Variants in RNF111 observed in about 807,000 individuals in gnomAD.
RNF111 encodes ring finger protein 111, also known as E3 ubiquitin-protein ligase Arkadia.
RNF111 carries 17 observed loss-of-function variants against 95.1 expected under a neutral mutation model. That is an observed-to-expected ratio of 0.18 (90% CI 0.12 to 0.27). The LOEUF is 0.27. Ranked by LOEUF, RNF111 falls within the 10% of genes least tolerant of loss-of-function variation. The pLI, the probability that RNF111 is intolerant of heterozygous loss-of-function variation, is 1.00. For synonymous variants in RNF111, 440 were observed against 414.8 expected (o/e 1.06, Z -0.74); for missense variants, 1,189 against 1,210.4 (o/e 0.98, Z 0.26).
At chr15:58,996,734 G>A (rs1210555960) in intron 1 of RNF111, among the ~76,000 whole-genome samples, 1 of 133,154 alleles carries the variant, frequency 7.5e-6, no homozygotes, top group Non-Finnish European at 1.5e-5. Context: ...TCTCACCTGT[G>A]TATGGATATT....
In RNF111 at chr15:59,007,449, A is replaced by G. The variant is rs142246039; in HGVS notation, c.-20+19381A>G. Reference sequence around the variant, plus strand: ...CTGTTTGGTATCCCGTTGTAGCTGTATAACATAATTTATCCATTCACTTGG... The same window carrying G: ...CTGTTTGGTATCCCGTTGTAGCTGTGTAACATAATTTATCCATTCACTTGG... On this transcript the variant is annotated intron_variant, in intron 1 of 13. Coordinates refer to ENST00000348370, the MANE Select transcript of RNF111 (RefSeq NM_017610.8). Among the ~76,000 whole-genome samples, 568 of 152,314 alleles carry G rather than the reference A, an allele frequency of 3.7e-3. 4 individuals are homozygous for G. The highest frequency in any genetic ancestry group is 0.013 in the African/African-American group (541 of 41,570).
Position 59,091,087 on chromosome 15 carries a change from G to T in RNF111, c.2672G>T (p.Gly891Val). 1.2e-6 allele frequency: 2 copies of T among 1,609,248 alleles called. No individual in the cohort carries two copies. Among genetic ancestry groups the T allele is most frequent in the South Asian group, 1.1e-5 (1 of 90,506 alleles). Residue 891 changes from glycine (G) to valine (V), a missense_variant, in exon 12 of 14, where the codon GGC (glycine) becomes GTC (valine). Coordinates refer to ENST00000348370, the MANE Select transcript of RNF111 (RefSeq NM_017610.8). ...CTGATTCATTTGGAAGAAAGATTAG[G>T]CAATGTCAATCGTGGAGCATCCCAG... ...EELIHLEERLGNVNRGASQGT... is the reference protein window; with the variant it reads ...EELIHLEERLVNVNRGASQGT...
intron 8 of RNF111, 90 bp from the exon 9 acceptor site, chr15:59,084,039 T>G: frequency 8.2e-7 from 1 of 1,218,070 alleles, no homozygotes; most frequent in Non-Finnish European, 1.1e-6. Context: ...GTTTATAGTA[T>G]TAATACTAGG....
At chr15:59,084,283 T>C in intron 9 of RNF111, 29 bp downstream of exon 9, 1 of 1,548,542 alleles carries the variant, frequency 6.5e-7, no homozygotes, top group Non-Finnish European at 8.7e-7. Flanking sequence ...TTCAAAACAG[T>C]GCTTCACAGC....
chr15:59,022,418 T>C (rs915070849), intron 1 of RNF111, among the ~76,000 whole-genome samples: 3 of 152,222 alleles, frequency 2.0e-5, no homozygotes, highest in Admixed American at 2.0e-4. Context: ...GAGATAGTTA[T>C]CCTAGACAGA....
chr15:58,991,715 C>T (rs28493080), intron 1 of RNF111, among the ~76,000 whole-genome samples: 1 of 152,182 alleles, frequency 6.6e-6, no homozygotes, highest in Non-Finnish European at 1.5e-5. Flanking sequence ...TCTAGAGAAT[C>T]TACAAATGTA....
intron 5 of RNF111, among the ~76,000 whole-genome samples, chr15:59,063,000 A>T (rs146479435): frequency 2.0e-5 from 3 of 152,304 alleles, no homozygotes; most frequent in East Asian, 3.9e-4. Context: ...GATACTGGGG[A>T]CAGCATTGCT....
At chr15:58,992,706 G>C (rs1422049561) in intron 1 of RNF111, among the ~76,000 whole-genome samples, 1 of 152,162 alleles carries the variant, frequency 6.6e-6, no homozygotes, top group East Asian at 1.9e-4. Flanking sequence ...TGTAGTCCCA[G>C]CTACTCGGGA....
At chr15:59,032,113 A>G (rs2141773880) in intron 2 of RNF111, among the ~76,000 whole-genome samples, 1 of 152,082 alleles carries the variant, frequency 6.6e-6, no homozygotes, top group African/African-American at 2.4e-5. Flanking sequence ...TAATTTTTGT[A>G]TTTTTAGTGG....
intron 1 of RNF111, among the ~76,000 whole-genome samples, chr15:59,023,331 A>G (rs1027338732): frequency 1.1e-4 from 16 of 152,172 alleles, no homozygotes; most frequent in Non-Finnish European, 2.2e-4. Flanking sequence ...CATGAAATTG[A>G]ATTTCCCATA....
chr15:59,019,458 C>G (rs1219848134), intron 1 of RNF111, among the ~76,000 whole-genome samples: 3 of 152,006 alleles, frequency 2.0e-5, no homozygotes, highest in Non-Finnish European at 2.9e-5. Flanking sequence ...ATTTGGAGTC[C>G]TTGTTCATCC....
At chr15:59,078,248 A>G (rs1161807933) in intron 7 of RNF111, among the ~76,000 whole-genome samples, 1 of 152,244 alleles carries the variant, frequency 6.6e-6, no homozygotes, top group Non-Finnish European at 1.5e-5. Context: ...TATGTATAAC[A>G]ACAATACTTG....
At chr15:59,040,050 G>A (rs2041374277) in intron 2 of RNF111, among the ~76,000 whole-genome samples, 1 of 152,052 alleles carries the variant, frequency 6.6e-6, no homozygotes, top group South Asian at 2.1e-4. Context: ...AGAGACTACA[G>A]TCTGGGAATT....
At chr15:58,997,219 T>A (rs2039117204) in intron 1 of RNF111, among the ~76,000 whole-genome samples, 1 of 152,218 alleles carries the variant, frequency 6.6e-6, no homozygotes, top group Non-Finnish European at 1.5e-5. Flanking sequence ...TCTCTGAAGA[T>A]GTATCTCTTT....
chr15:59,060,687 A>T (rs1176860283), intron 5 of RNF111, among the ~76,000 whole-genome samples: 2 of 152,166 alleles, frequency 1.3e-5, no homozygotes, highest in Non-Finnish European at 2.9e-5. Flanking sequence ...GAAATGAAGA[A>T]ACCTGAGAAG....
At chr15:59,028,160 T>C (rs759920257) in intron 1 of RNF111, among the ~76,000 whole-genome samples, 2 of 152,224 alleles carry the variant, frequency 1.3e-5, no homozygotes, top group African/African-American at 2.4e-5. Context: ...AATCCTCCGA[T>C]GATCCCCAGC....
chr15:59,014,995 T>C (rs1028028144), intron 1 of RNF111, among the ~76,000 whole-genome samples: 20 of 152,340 alleles, frequency 1.3e-4, no homozygotes, highest in Admixed American at 9.1e-4. Flanking sequence ...GCCATCTGCC[T>C]GCCTTGGCCT....
intron 1 of RNF111, among the ~76,000 whole-genome samples, chr15:59,016,949 C>A (rs1262174267): frequency 1.3e-5 from 2 of 151,790 alleles, no homozygotes; most frequent in African/African-American, 4.8e-5. Flanking sequence ...TTGCTCCTTA[C>A]GAGAATCTAA....
chr15:59,005,786 G>C (rs1263388596), intron 1 of RNF111, among the ~76,000 whole-genome samples: 5 of 152,150 alleles, frequency 3.3e-5, no homozygotes, highest in Admixed American at 2.6e-4. Flanking sequence ...TAGCTGACTC[G>C]TCATCTTTAA....
Sources: allele counts gnomAD v4.1 joint callset (sites outside exome capture counted in the v4.1 genomes callset), GRCh38; gene constraint gnomAD v4.1.1; transcripts MANE v1.5; gene names NCBI Gene and HGNC (gene_info 2026-07-23, HGNC 2026-07-21).